TMTC2: variants seen among roughly 807,000 people sequenced by gnomAD.
TMTC2 encodes the protein transmembrane O-mannosyltransferase targeting cadherins 2, also known as protein O-mannosyl-transferase TMTC2.
A neutral mutation model predicts 82.4 loss-of-function variants in TMTC2; 43 were observed. The observed-to-expected ratio is 0.52, with a 90% confidence interval of 0.41 to 0.67. The LOEUF (loss-of-function observed/expected upper bound fraction) is 0.67, where lower values mean the gene tolerates loss of function less well. TMTC2 is among the 30% of genes least tolerant of loss of function. The pLI is 0.00. For synonymous variants in TMTC2, 408 were observed against 381.9 expected, an observed-to-expected ratio of 1.07 and a Z score of -0.80; for missense variants, 919 against 1,012.4, an observed-to-expected ratio of 0.91 and a Z score of 1.25.
intron 1 of TMTC2, among the ~76,000 whole-genome samples, chr12:82,709,958 GT>G (rs1156330558): frequency 6.6e-6 from 1 of 151,984 alleles, no homozygotes; most frequent in South Asian, 2.1e-4. Context: ...TAATTCTGTA[GT>G]TTTTTTTCAA....
In TMTC2 at chr12:82,755,412, G is replaced by A. The variant is rs575201293; in HGVS notation, c.83+67743G>A. On this transcript the variant is annotated intron_variant, in intron 1 of 11. Transcript: ENST00000321196. ...CCCCAACCCATGCTGCAATCAAAAA[G>A]GGGTTCATCTGCTGCCCACAGTGAC... is the stretch of plus-strand genomic sequence containing the variant. Among the ~76,000 whole-genome samples the A allele has an allele frequency of 3.4e-4, 52 of 152,264 alleles. No individual in the cohort carries two copies. In the South Asian group the frequency reaches 0.01, roughly 30 times the overall value.
chr12:82,762,259 G>A (rs559122327), intron 1 of TMTC2, among the ~76,000 whole-genome samples: 9 of 152,204 alleles, frequency 5.9e-5, no homozygotes, highest in African/African-American at 1.2e-4. Flanking sequence ...GAGCCACCAC[G>A]CGTGGCCGAC....
chr12:82,719,337 C>T (rs1874080180), intron 1 of TMTC2, among the ~76,000 whole-genome samples: 2 of 151,762 alleles, frequency 1.3e-5, no homozygotes. Flanking sequence ...CGTGATCCAC[C>T]CGCCTTGGCC....
chr12:83,037,400 A>G (rs1043754892), intron 9 of TMTC2, among the ~76,000 whole-genome samples: 4 of 152,216 alleles, frequency 2.6e-5, no homozygotes, highest in African/African-American at 9.6e-5. Flanking sequence ...TTAATTACAT[A>G]ATGAACCAAA....
At chr12:82,905,720 G>C (rs1288862615) in intron 3 of TMTC2, among the ~76,000 whole-genome samples, 1 of 151,880 alleles carries the variant, frequency 6.6e-6, no homozygotes, top group Non-Finnish European at 1.5e-5. Context: ...CGAGGCGGGC[G>C]GATCACCTGA....
At chr12:82,945,448 G>A (rs1876943997) in intron 4 of TMTC2, among the ~76,000 whole-genome samples, 1 of 152,072 alleles carries the variant, frequency 6.6e-6, no homozygotes, top group East Asian at 1.9e-4. Context: ...CCATAAAAGA[G>A]GTTTATAAAG....
At chr12:82,885,083 T>TG (rs1007060390) in intron 2 of TMTC2, among the ~76,000 whole-genome samples, 6 of 151,174 alleles carry the variant, frequency 4.0e-5, no homozygotes, top group African/African-American at 1.5e-4. Flanking sequence ...TTTTTTTTTT[T>TG]GTAGAGATGG....
intron 9 of TMTC2, among the ~76,000 whole-genome samples, chr12:83,032,718 A>G (rs1669734014): frequency 6.6e-6 from 1 of 151,240 alleles, no homozygotes; most frequent in Non-Finnish European, 1.5e-5. Flanking sequence ...CTAATTTTTT[A>G]TTTTTTATTT....
rs1021002096 is a variant in TMTC2 at position 83,091,312 on chromosome 12, T to C, written c.2331+29481T>C. On this transcript the variant is annotated intron_variant, in intron 11 of 11. Transcript: ENST00000321196. ...TTTTACTCTATAAATAAATATTTAT[T>C]TCATTTATTTGTTTTTTCCCCAAAC... Among the ~76,000 whole-genome samples, 5 of 152,338 alleles carry C rather than the reference T, an allele frequency of 3.3e-5. No individual in the cohort carries two copies. The East Asian group carries it at 5.8e-4, about 18-fold the overall frequency.
intron 1 of TMTC2, among the ~76,000 whole-genome samples, chr12:82,735,499 C>T (rs1039288264): frequency 8.6e-5 from 13 of 151,896 alleles, no homozygotes; most frequent in Non-Finnish European, 1.0e-4. Flanking sequence ...GCGCCCGCCA[C>T]CACGCCCGGC....
intron 2 of TMTC2, among the ~76,000 whole-genome samples, chr12:82,867,983 T>C (rs1248728142): frequency 6.6e-6 from 1 of 152,238 alleles, no homozygotes; most frequent in East Asian, 1.9e-4. Context: ...TAGATTTAAA[T>C]AGAAACTCGG....
rs1871830226 is a variant in TMTC2 at position 82,866,008 on chromosome 12, A to G, written c.654+8428A>G. Among the ~76,000 whole-genome samples, 3 of 152,334 alleles carry G rather than the reference A, an allele frequency of 2.0e-5. No individual in the cohort carries two copies. In the South Asian group the frequency reaches 6.2e-4, roughly 32 times the overall value. Reference sequence around the variant, plus strand: ...ACCAGAATCTCTGGGACACATTTAAAGCAGTGTGTAGAGGGAAATTTATAG... The same window carrying G: ...ACCAGAATCTCTGGGACACATTTAAGGCAGTGTGTAGAGGGAAATTTATAG... On this transcript the variant is annotated intron_variant, in intron 2 of 11. Coordinates refer to ENST00000321196, the MANE Select transcript of TMTC2 (RefSeq NM_152588.3).
intron 1 of TMTC2, among the ~76,000 whole-genome samples, chr12:82,856,735 T>C (rs1871274131): frequency 6.6e-6 from 1 of 152,216 alleles, no homozygotes; most frequent in South Asian, 2.1e-4. Context: ...GGCAGACTGC[T>C]ACATTAAGGC....
chr12:83,091,941 ATG>A (rs1883860554), intron 11 of TMTC2, among the ~76,000 whole-genome samples: 1 of 152,222 alleles, frequency 6.6e-6, no homozygotes, highest in South Asian at 2.1e-4. Flanking sequence ...GGAAATAGAT[ATG>A]TGATTAGTGA....
intron 2 of TMTC2, among the ~76,000 whole-genome samples, chr12:82,876,106 GTGGTGGTGGTGGTGGTATTAGTAA>G (rs1387046702): frequency 2.1e-5 from 3 of 144,312 alleles, no homozygotes; most frequent in South Asian, 2.2e-4. Context: ...AATGGTGGTG[GTGGTGGTGGTGGTGGTATTAGTAA>G]TGGTGGTGGT....
At position 82,794,998 on chromosome 12, in the gene TMTC2, G is replaced by A. The variant is rs890230396; in HGVS notation, c.84-62012G>A. On this transcript the variant is annotated intron_variant, in intron 1 of 11. Coordinates refer to ENST00000321196, the MANE Select transcript of TMTC2 (RefSeq NM_152588.3). ...ACATAGAAGAGTTCATCTGTGAATC[G>A]CTGGAATCCGAAGTTGAGAAAATTG... Among the ~76,000 whole-genome samples the A allele has an allele frequency of 3.3e-5, 5 of 152,048 alleles. No individual in the cohort carries two copies. In the South Asian group the frequency reaches 1.0e-3, roughly 32 times the overall value.
intron 2 of TMTC2, among the ~76,000 whole-genome samples, chr12:82,866,127 C>G (rs1871838300): frequency 6.9e-6 from 1 of 145,674 alleles, no homozygotes; most frequent in Admixed American, 7.3e-5. Context: ...CCAACACATT[C>G]AAAAGCTAGC....
chr12:83,101,196 T>C (rs1884204315), intron 11 of TMTC2, among the ~76,000 whole-genome samples: 2 of 152,198 alleles, frequency 1.3e-5, no homozygotes, highest in Admixed American at 1.3e-4. Flanking sequence ...GGACTACTAG[T>C]GTTTTGTTTT....
intron 1 of TMTC2, among the ~76,000 whole-genome samples, chr12:82,789,359 C>A (rs1292592584): frequency 2.0e-5 from 3 of 151,938 alleles, no homozygotes; most frequent in African/African-American, 7.3e-5. Flanking sequence ...GAGGGAGGAA[C>A]AAATAGGCTT....
Sources: gnomAD v4.1 joint callset for allele counts (sites outside exome capture counted in the v4.1 genomes callset) on GRCh38, gnomAD v4.1.1 for gene constraint, MANE v1.5 for transcripts, NCBI Gene and HGNC (gene_info 2026-07-23, HGNC 2026-07-21) for gene names.